The following GPC6 variants were observed in gnomAD, a reference collection of about 807,000 sequenced individuals.
GPC6 encodes the protein glypican-6.
In GPC6, 14 loss-of-function variants were observed where a neutral mutation model predicts 55.2. The observed-to-expected ratio is 0.25, with a 90% CI of 0.17 to 0.40. The LOEUF (loss-of-function observed/expected upper bound fraction) is 0.40, where lower values mean the gene tolerates loss of function less well. Among genes scored for constraint, GPC6 ranks in the 10% least tolerant of loss-of-function variants. The pLI is 1.00. For missense variants in GPC6, 641 were observed against 708.5 expected, an observed-to-expected ratio of 0.90 and a Z score of 1.08; for synonymous variants, 278 against 259.6, an observed-to-expected ratio of 1.07 and a Z score of -0.68.
chr13:93,715,087 C>CT (rs1429548485), intron 2 of GPC6, among the ~76,000 whole-genome samples: 3 of 151,592 alleles, frequency 2.0e-5, no homozygotes, highest in African/African-American at 7.3e-5. Flanking sequence ...TCAGTGCGGT[C>CT]TTGTGACCTG....
chr13:93,854,458 G>A (rs920221478), intron 3 of GPC6, among the ~76,000 whole-genome samples: 4 of 151,498 alleles, frequency 2.6e-5, no homozygotes, highest in African/African-American at 9.7e-5. Context: ...AATCACACTT[G>A]TTTCTTAATA....
Position 94,054,401 on chromosome 13 carries a change from C to T in GPC6, c.877+26507C>T, listed in dbSNP as rs141918410. On this transcript the variant is annotated intron_variant, in intron 4 of 8. Transcript: ENST00000377047. ...GAGTCGCCCGGAGGGCCTGTTAAAC[C>T]ACAAAGCGCTGTGCTCCGCTGCCAG... is the stretch of plus-strand genomic sequence containing the variant. Among the ~76,000 whole-genome samples, 511 of 152,234 alleles carry T rather than the reference C, an allele frequency of 3.4e-3. 6 individuals carry two copies. Among genetic ancestry groups the T allele is most frequent in the African/African-American group, 0.012 (497 of 41,542 alleles).
chr13:94,305,828 T>C (rs552992916), intron 5 of GPC6, 152 bp from the exon 6 acceptor site: 34 of 757,834 alleles, frequency 4.5e-5, no homozygotes, highest in African/African-American at 4.5e-4. Context: ...GTTATATTAG[T>C]GGTTATACTT....
intron 5 of GPC6, among the ~76,000 whole-genome samples, chr13:94,298,227 T>TA (rs1214864838): frequency 3.3e-5 from 5 of 152,222 alleles, no homozygotes; most frequent in African/African-American, 1.2e-4. Context: ...TTATCTTATG[T>TA]AATAGTATAA....
chr13:94,127,208 G>A lies in GPC6; in HGVS notation c.877+99314G>A, dbSNP rs1886850064. Among the ~76,000 whole-genome samples the A allele has an allele frequency of 2.6e-5, 4 of 151,998 alleles. No homozygotes were observed. The South Asian group carries it at 8.3e-4, about 32-fold the overall frequency. On this transcript the variant is annotated intron_variant, in intron 4 of 8. Transcript: ENST00000377047. ...AAGGAGAGTTTGCATCCATGTACAT[G>A]GTTGATAGAGTTTGGATATTTGTCC...
chr13:93,756,499 G>A (rs924012403), intron 2 of GPC6, among the ~76,000 whole-genome samples: 1 of 152,076 alleles, frequency 6.6e-6, no homozygotes, highest in African/African-American at 2.4e-5. Context: ...TGTCCCAAAA[G>A]CCTTGGGACT....
chr13:93,337,079 G>C (rs1191521230), intron 1 of GPC6, among the ~76,000 whole-genome samples: 1 of 152,154 alleles, frequency 6.6e-6, no homozygotes, highest in Non-Finnish European at 1.5e-5. Flanking sequence ...TAGCTGAAAA[G>C]TATAGTCAGT....
At chr13:93,789,832 C>A (rs1885970405) in intron 2 of GPC6, among the ~76,000 whole-genome samples, 1 of 150,814 alleles carries the variant, frequency 6.6e-6, no homozygotes, top group Non-Finnish European at 1.5e-5. Context: ...AAATCAAGAA[C>A]AAGTGAGAGT....
chr13:94,178,840 TG>T (rs1186867600), intron 4 of GPC6, among the ~76,000 whole-genome samples: 1 of 152,212 alleles, frequency 6.6e-6, no homozygotes, highest in Non-Finnish European at 1.5e-5. Flanking sequence ...TGAGAGCAGA[TG>T]AGATGATGAA....
intron 1 of GPC6, among the ~76,000 whole-genome samples, chr13:93,295,869 C>T (rs1009900339): frequency 1.3e-5 from 2 of 151,880 alleles, no homozygotes; most frequent in Non-Finnish European, 2.9e-5. Flanking sequence ...CCATCATGGC[C>T]GGCTAATTTT....
chr13:93,457,992 A>G (rs1878530879), intron 1 of GPC6, among the ~76,000 whole-genome samples: 1 of 152,190 alleles, frequency 6.6e-6, no homozygotes. Context: ...TCCTGAAATG[A>G]AAATGGAAGG....
chr13:93,853,901 A>C (rs1255196749), intron 3 of GPC6, among the ~76,000 whole-genome samples: 1 of 151,756 alleles, frequency 6.6e-6, no homozygotes, highest in Admixed American at 6.6e-5. Context: ...AATGAAACAC[A>C]GTAACATGTT....
chr13:94,351,632 A>T (rs547087591), intron 6 of GPC6, among the ~76,000 whole-genome samples: 1 of 152,184 alleles, frequency 6.6e-6, no homozygotes, highest in East Asian at 1.9e-4. Context: ...AAGATCTGCT[A>T]ATTACCCACA....
chr13:94,393,981 G>T (rs1010318468), intron 7 of GPC6, among the ~76,000 whole-genome samples: 3 of 152,082 alleles, frequency 2.0e-5, no homozygotes, highest in African/African-American at 7.2e-5. Context: ...ACTTCTGTGG[G>T]GATGGTCCTG....
intron 3 of GPC6, among the ~76,000 whole-genome samples, chr13:93,997,628 A>G (rs9524306): frequency 0.13 from 19,580 of 151,136 alleles, 1,506 homozygotes; most frequent in East Asian, 0.28. Context: ...TGTGTATAAA[A>G]CCTAGGAAAC....
chr13:93,481,854 C>T (rs1879533890), intron 1 of GPC6, among the ~76,000 whole-genome samples: 1 of 152,080 alleles, frequency 6.6e-6, no homozygotes, highest in African/African-American at 2.4e-5. Flanking sequence ...AGGAGTGAGT[C>T]CTGCAAATTT....
At chr13:93,272,220 T>C (rs1332859767) in intron 1 of GPC6, among the ~76,000 whole-genome samples, 1 of 152,056 alleles carries the variant, frequency 6.6e-6, no homozygotes, top group Non-Finnish European at 1.5e-5. Context: ...AAGATAATTA[T>C]AGTTCAGTGG....
At chr13:93,302,803 T>C (rs2139096516) in intron 1 of GPC6, among the ~76,000 whole-genome samples, 1 of 152,202 alleles carries the variant, frequency 6.6e-6, no homozygotes, top group East Asian at 1.9e-4. Flanking sequence ...AGTACCGTAA[T>C]GGAAAAAAGT....
intron 2 of GPC6, among the ~76,000 whole-genome samples, chr13:93,566,458 C>G (rs930530058): frequency 6.6e-6 from 1 of 151,580 alleles, no homozygotes; most frequent in Non-Finnish European, 1.5e-5. Context: ...GGGAATCCCT[C>G]CTTCTCTTCA....
Sources: allele counts gnomAD v4.1 joint callset (sites outside exome capture counted in the v4.1 genomes callset), GRCh38; gene constraint gnomAD v4.1.1; transcripts MANE v1.5; gene names NCBI Gene and HGNC (gene_info 2026-07-23, HGNC 2026-07-21).